GLCCI1: variants seen among roughly 807,000 people sequenced by gnomAD.
GLCCI1 encodes glucocorticoid induced 1, also known as glucocorticoid-induced transcript 1 protein.
Under a neutral mutation model 52.2 loss-of-function variants are expected in GLCCI1, and 24 were observed. The observed-to-expected ratio is 0.46, with a 90% CI of 0.33 to 0.65. GLCCI1 has a LOEUF of 0.65. Ranked by LOEUF, GLCCI1 falls within the 30% of genes least tolerant of loss-of-function variation. The pLI is 0.02. For synonymous variants in GLCCI1, 310 were observed against 276.5 expected (o/e 1.12, Z -1.20); for missense variants, 704 against 701.5 (o/e 1.00, Z -0.04).
intron 1 of GLCCI1, among the ~76,000 whole-genome samples, chr7:7,994,783 A>G (rs1335086201): frequency 2.6e-5 from 4 of 152,218 alleles, no homozygotes; most frequent in African/African-American, 7.2e-5. Flanking sequence ...CAAAACTTCT[A>G]TATAAGGAAC....
rs569159651 is a variant in GLCCI1 at position 8,047,262 on chromosome 7, A to C, written c.697-8171A>C. On this transcript the variant is annotated intron_variant, in intron 3 of 7. Transcript: ENST00000223145. ...GATTTTCCTCCAGTGCATTGTATTT[A>C]CTAGAGATTTGCTAACCCAGCCTTT... Among the ~76,000 whole-genome samples the C allele has an allele frequency of 1.7e-4, 26 of 152,358 alleles. 2 individuals carry two copies. In the South Asian group the frequency reaches 4.3e-3, roughly 25 times the overall value.
At chr7:8,042,745 T>G (rs1335129711) in intron 3 of GLCCI1, among the ~76,000 whole-genome samples, 1 of 152,212 alleles carries the variant, frequency 6.6e-6, no homozygotes, top group Non-Finnish European at 1.5e-5. Flanking sequence ...AGTGGTTTCT[T>G]AAGTAGGAAT....
At chr7:8,062,156 C>T (rs1425957179) in intron 5 of GLCCI1, among the ~76,000 whole-genome samples, 1 of 152,144 alleles carries the variant, frequency 6.6e-6, no homozygotes, top group African/African-American at 2.4e-5. Context: ...ATAAGCCATA[C>T]TTCAATTGTA....
intron 1 of GLCCI1, among the ~76,000 whole-genome samples, chr7:8,003,543 T>C (rs888859916): frequency 6.6e-6 from 1 of 152,190 alleles, no homozygotes; most frequent in Admixed American, 6.5e-5. Context: ...TATTTGGGTA[T>C]GACACTGTAA....
rs1235315071 is a variant in GLCCI1 at position 8,087,726 on chromosome 7, C to G, written c.*1188C>G. Reference sequence around the variant, plus strand: ...TACTTGGGTCTCAGAATTGATGCAACATAAGCAGGTTTTTTTGGTGACTTA... The same window carrying G: ...TACTTGGGTCTCAGAATTGATGCAAGATAAGCAGGTTTTTTTGGTGACTTA... On this transcript the variant is annotated 3_prime_UTR_variant, in exon 8 of 8. Transcript: ENST00000223145. 14 of 143,408 alleles carry G rather than the reference C, an allele frequency of 9.8e-5. No individual in the cohort carries two copies. The East Asian group carries it at 3.0e-3, about 30-fold the overall frequency. 8.9% of individuals were successfully genotyped at this position (143,408 alleles called of 1,614,324 possible). A position where few individuals can be genotyped will look rare whatever the true frequency, so the allele number is the denominator to read the frequency against.
intron 1 of GLCCI1, among the ~76,000 whole-genome samples, chr7:7,984,193 C>T (rs1414536552): frequency 1.3e-5 from 2 of 152,006 alleles, no homozygotes; most frequent in Non-Finnish European, 2.9e-5. Context: ...CTGGAGTATC[C>T]AGGACCACAG....
At chr7:8,026,306 A>C (rs1047918628) in intron 3 of GLCCI1, among the ~76,000 whole-genome samples, 1 of 152,248 alleles carries the variant, frequency 6.6e-6, no homozygotes, top group African/African-American at 2.4e-5. Flanking sequence ...TTAAAATGGC[A>C]TACTAAAAAA....
chr7:8,086,450 C>G lies in GLCCI1; in HGVS notation c.1556C>G (p.Ser519Cys). Residue 519 changes from serine to cysteine, a missense_variant, in exon 8 of 8, where the codon TCT becomes TGT. Physicochemically the swap from Ser to Cys is moderately radical, Grantham distance 112. This residue lies in a region of GLCCI1 where 149 missense variants were observed against 152.9 expected (regional missense o/e 0.97). Transcript: ENST00000223145. This position sits in a 1 kb window ranked among gnomAD's most constrained non-coding sequence, Gnocchi z 4.4. ...AGCACAGCGGGCTCCATGGAGGCCT[C>G]TGTCCAGCAGCCATCCCAGCAGCAG... ...DTSTAGSMEA[S>C]VQQPSQQQQL... The G allele has an allele frequency of 6.2e-7, 1 of 1,614,196 alleles. No individual in the cohort carries two copies.
chr7:8,013,600 A>G (rs937997425), intron 2 of GLCCI1, among the ~76,000 whole-genome samples: 17 of 152,168 alleles, frequency 1.1e-4, no homozygotes, highest in Admixed American at 2.6e-4. Flanking sequence ...AATTCAGGGG[A>G]ATTGTTACCA....
At chr7:8,072,902 C>T (rs185171898) in intron 6 of GLCCI1, among the ~76,000 whole-genome samples, 39 of 152,178 alleles carry the variant, frequency 2.6e-4, no homozygotes, top group Admixed American at 1.3e-3. Context: ...TAAATGAGTT[C>T]CATTTTGGTT....
In GLCCI1 at chr7:7,980,922, T is replaced by C. The variant is rs1248017943; in HGVS notation, c.457+11115T>C. On this transcript the variant is annotated intron_variant, in intron 1 of 7. Transcript: ENST00000223145. Reference sequence around the variant, plus strand: ...ACATTCCTGATTTATTAATCCCTGATCAATCACCAGAACCTACAAGGGAAC... The same window carrying C: ...ACATTCCTGATTTATTAATCCCTGACCAATCACCAGAACCTACAAGGGAAC... 3.2e-5 allele frequency: 19 copies of C among 602,926 alleles called. 1 individual carries two copies. The highest frequency in any genetic ancestry group is 3.1e-4 in the South Asian group (18 of 57,810). The allele number at this position is 602,926 out of a possible 1,614,324, so 37.3% of individuals were successfully genotyped here.
At chr7:8,031,431 AAT>A (rs1378377576) in intron 3 of GLCCI1, among the ~76,000 whole-genome samples, 1 of 152,066 alleles carries the variant, frequency 6.6e-6, no homozygotes, top group Non-Finnish European at 1.5e-5. Flanking sequence ...GGGAGGTGGG[AAT>A]GGTTAATGGG....
At chr7:8,057,713 T>C (rs945317666) in intron 4 of GLCCI1, among the ~76,000 whole-genome samples, 3 of 152,226 alleles carry the variant, frequency 2.0e-5, no homozygotes, top group Admixed American at 6.5e-5. Context: ...AAAATTCTTA[T>C]ATGCCTTCCT....
intron 2 of GLCCI1, among the ~76,000 whole-genome samples, chr7:8,006,080 G>A (rs1312037463): frequency 1.3e-5 from 2 of 152,186 alleles, no homozygotes; most frequent in African/African-American, 4.8e-5. Context: ...TTACAGGCAT[G>A]CGCCACCACT....
At chr7:8,019,575 A>G (rs1336350753) in intron 2 of GLCCI1, among the ~76,000 whole-genome samples, 1 of 151,538 alleles carries the variant, frequency 6.6e-6, no homozygotes, top group Admixed American at 6.6e-5. Flanking sequence ...CATGAGGGGG[A>G]TATGTTTTGA....
At chr7:7,973,668 T>C (rs1350830273) in intron 1 of GLCCI1, among the ~76,000 whole-genome samples, 2 of 152,072 alleles carry the variant, frequency 1.3e-5, no homozygotes, top group African/African-American at 4.8e-5. Flanking sequence ...CTCTACCAGA[T>C]TGCTAACTCT....
Position 8,072,262 on chromosome 7 carries a change from T to G in GLCCI1, c.1177+1131T>G, listed in dbSNP as rs117430026. On this transcript the variant is annotated intron_variant, in intron 6 of 7. Transcript: ENST00000223145. Reference sequence around the variant, plus strand: ...TATATTCTTTGTGTCTGACTTCTTTTACTTATCATTATACCTAACTCTTCT... The same window carrying G: ...TATATTCTTTGTGTCTGACTTCTTTGACTTATCATTATACCTAACTCTTCT... 8.9e-3 allele frequency among the ~76,000 whole-genome samples: 1,361 copies of G among 152,350 alleles called. 7 individuals are homozygous for G. The highest frequency in any genetic ancestry group is 0.017 in the Middle Eastern group (5 of 294).
chr7:8,035,477 T>A (rs1303855562), intron 3 of GLCCI1, among the ~76,000 whole-genome samples: 1 of 152,138 alleles, frequency 6.6e-6, no homozygotes, highest in African/African-American at 2.4e-5. Context: ...GGCAATTAGG[T>A]ATGGCTGTGT....
chr7:8,026,302 T>G (rs933561638), intron 3 of GLCCI1, among the ~76,000 whole-genome samples: 1 of 152,044 alleles, frequency 6.6e-6, no homozygotes, highest in African/African-American at 2.4e-5. Flanking sequence ...GGAATTAAAA[T>G]GGCATACTAA....
Sources: gnomAD v4.1 joint callset for allele counts (sites outside exome capture counted in the v4.1 genomes callset) on GRCh38, gnomAD v4.1.1 for gene constraint, gnomAD v4.1.1 regional missense constraint, Gnocchi (gnomAD v3.1) non-coding constraint, MANE v1.5 for transcripts, NCBI Gene and HGNC (gene_info 2026-07-23, HGNC 2026-07-21) for gene names.